Variants in LRP6 observed in about 807,000 individuals in gnomAD.
The protein encoded by LRP6 is low-density lipoprotein receptor-related protein 6.
LRP6 carries 43 observed loss-of-function variants against 184.1 expected under a neutral mutation model. The ratio of observed to expected loss-of-function variants is 0.23; its 90% CI spans 0.18 to 0.30. The LOEUF (loss-of-function observed/expected upper bound fraction) is 0.30, where lower values mean the gene tolerates loss of function less well. Ranked by LOEUF, LRP6 falls within the 10% of genes least tolerant of loss-of-function variation. The probability of loss-of-function intolerance (pLI) is 1.00; values close to 1 mark genes in which losing one functional copy is unlikely to be tolerated. For missense variants in LRP6, 1,571 were observed against 2,005.3 expected (o/e 0.78, Z 4.14); for synonymous variants, 719 against 684.9 (o/e 1.05, Z -0.78).
In LRP6 at chr12:12,154,726, A is replaced by G. The variant is rs1275225939; in HGVS notation, c.2792-3688T>C. Among the ~76,000 whole-genome samples the G allele has an allele frequency of 2.0e-5, 3 of 152,298 alleles. No homozygotes were observed. The East Asian group carries it at 5.8e-4, about 29-fold the overall frequency. The stretch of plus-strand genomic sequence containing the variant: ...AAAAAGAGGGAAAAAAGCCAGAAAG[A>G]AGCACTGAGTGACAAGGAGAGCCTT... On this transcript the variant is annotated intron_variant, in intron 12 of 22. Transcript: ENST00000261349.
At position 12,159,810 on chromosome 12, in the gene LRP6, T is replaced by C; in HGVS notation, c.2434A>G (p.Thr812Ala). The C allele has an allele frequency of 6.2e-7, 1 of 1,614,128 alleles. No individual in the cohort carries two copies. The highest frequency in any genetic ancestry group is 8.5e-7 in the Non-Finnish European group (1 of 1,180,008). The change falls in exon 11 of 23, where the codon ACC becomes GCC. Residue 812 changes from threonine to alanine, a missense_variant. Physicochemically the swap from Thr to Ala is moderately conservative, Grantham distance 58. This residue lies in a region of LRP6 where 158 missense variants were observed against 258.4 expected (regional missense o/e 0.61). Transcript: ENST00000261349. ...ATATTTGAAGATTCTATTAAGTTGGTGTCCAGGTCTGTCCAATAAAGCCTC... is the reference window on the plus strand; with the variant it reads ...ATATTTGAAGATTCTATTAAGTTGGCGTCCAGGTCTGTCCAATAAAGCCTC... ...KRRLYWTDLD[T>A]NLIESSNMLG...
At chr12:12,226,823 T>C (rs1239766348) in intron 2 of LRP6, 1 of 152,060 alleles carries the variant, frequency 6.6e-6, no homozygotes, top group Admixed American at 6.6e-5. Flanking sequence ...ACAATTATTA[T>C]ACAAAAGGTA....
At position 12,131,738 on chromosome 12, in the gene LRP6, C is replaced by T; in HGVS notation, c.3970+83G>A. The T allele has an allele frequency of 2.6e-6, 3 of 1,137,902 alleles. No homozygotes were observed. In the South Asian group the frequency reaches 3.7e-5, roughly 14 times the overall value. The allele number at this position is 1,137,902 out of a possible 1,614,324, so 70.5% of individuals were successfully genotyped here. A position where few individuals can be genotyped will look rare whatever the true frequency, so the allele number is the denominator to read the frequency against. On this transcript the variant is annotated intron_variant, in intron 18 of 22. Transcript: ENST00000261349. ...TATGTACTTGAAAAACCCCAACTGACACTAAGCCAAGTAATACTGAAGTTT... is the reference window on the plus strand; with the variant it reads ...TATGTACTTGAAAAACCCCAACTGATACTAAGCCAAGTAATACTGAAGTTT...
chr12:12,204,848 TC>T (rs1450080219), intron 2 of LRP6, among the ~76,000 whole-genome samples: 1 of 150,498 alleles, frequency 6.6e-6, no homozygotes, highest in East Asian at 2.0e-4. Flanking sequence ...GTGCCTGTTA[TC>T]CCAGCTACTC....
At chr12:12,242,808 C>T (rs1309443977) in intron 2 of LRP6, among the ~76,000 whole-genome samples, 1 of 152,184 alleles carries the variant, frequency 6.6e-6, no homozygotes, top group African/African-American at 2.4e-5. Context: ...CTAAAATTTC[C>T]CTATACTACT....
intron 17 of LRP6, among the ~76,000 whole-genome samples, chr12:12,132,945 A>T (rs550265121): frequency 6.6e-6 from 1 of 152,240 alleles, no homozygotes; most frequent in Non-Finnish European, 1.5e-5. Flanking sequence ...TTAGTGAATT[A>T]TCTAGAGAAC....
At chr12:12,230,553 T>C (rs1864757249) in intron 2 of LRP6, among the ~76,000 whole-genome samples, 1 of 152,168 alleles carries the variant, frequency 6.6e-6, no homozygotes, top group Non-Finnish European at 1.5e-5. Flanking sequence ...AATCATGTCA[T>C]GATCCTTGAA....
At chr12:12,149,264 C>G (rs1213085161) in intron 13 of LRP6, 111 bp from the exon 14 acceptor site, 1 of 851,898 alleles carries the variant, frequency 1.2e-6, no homozygotes, top group African/African-American at 1.7e-5. Flanking sequence ...AAGGCTCTCT[C>G]AAGTCTTAAG....
chr12:12,240,350 G>C (rs1175734505), intron 2 of LRP6, among the ~76,000 whole-genome samples: 3 of 152,194 alleles, frequency 2.0e-5, no homozygotes, highest in Non-Finnish European at 4.4e-5. Context: ...GAGGCGGGCA[G>C]ATCATGAGGT....
intron 19 of LRP6, among the ~76,000 whole-genome samples, chr12:12,129,965 A>T (rs761350327): frequency 4.0e-5 from 6 of 151,004 alleles, no homozygotes; most frequent in Non-Finnish European, 8.9e-5. Flanking sequence ...GATTTCTATT[A>T]CAGCACTTAT....
At position 12,120,324 on chromosome 12, in the gene LRP6, A is replaced by G. The variant is rs1247560847; in HGVS notation, c.*802T>C. On this transcript the variant is annotated 3_prime_UTR_variant, in exon 23 of 23. Transcript: ENST00000261349. ...TAATTTAGAAAATTCCATTTAGTCAATGCTTCAGCTTAAAAAAATCATGGT... is the reference window on the plus strand; with the variant it reads ...TAATTTAGAAAATTCCATTTAGTCAGTGCTTCAGCTTAAAAAAATCATGGT... The G allele has an allele frequency of 2.0e-5, 3 of 152,050 alleles. No individual in the cohort carries two copies. The highest frequency in any genetic ancestry group is 2.0e-4 in the Admixed American group (3 of 15,262). 9.4% of individuals were successfully genotyped at this position (152,050 alleles called of 1,614,324 possible).
chr12:12,147,990 AT>A (rs1300392303), intron 14 of LRP6, among the ~76,000 whole-genome samples: 1 of 148,580 alleles, frequency 6.7e-6, no homozygotes, highest in Admixed American at 6.7e-5. Flanking sequence ...ATATATATAT[AT>A]ATCCTCTTTT....
At chr12:12,144,415 A>AG (rs1344474427) in intron 15 of LRP6, among the ~76,000 whole-genome samples, 1 of 152,226 alleles carries the variant, frequency 6.6e-6, no homozygotes, top group African/African-American at 2.4e-5. Flanking sequence ...AGGCCAAGGC[A>AG]GGGGGATCAC....
Position 12,203,400 on chromosome 12 carries a change from C to G in LRP6, c.450G>C (p.Gly150=). 6.2e-7 allele frequency: 1 copy of G among 1,608,266 alleles called. No individual in the cohort carries two copies. The highest frequency in any genetic ancestry group is 8.5e-7 in the Non-Finnish European group (1 of 1,174,678). The change falls in exon 3 of 23, where the codon GGG becomes GGC. Residue 150 remains glycine, a splice_region_variant and synonymous_variant. Coordinates refer to ENST00000261349, the MANE Select transcript of LRP6 (RefSeq NM_002336.3). ...PRAIALDPSS[G]FMYWTDWGEV... ...CTCCCCAGTCTGTCCAGTACATGAA[C>G]CTAAAAATCATAAAAATAATTAAAG...
At chr12:12,222,481 CG>C (rs1438086716) in intron 2 of LRP6, among the ~76,000 whole-genome samples, 1 of 151,192 alleles carries the variant, frequency 6.6e-6, no homozygotes, top group East Asian at 1.9e-4. Context: ...GCAGGAGAAT[CG>C]CTTGAATCCA....
chr12:12,157,072 A>G (rs975412087), intron 12 of LRP6, among the ~76,000 whole-genome samples: 20 of 152,208 alleles, frequency 1.3e-4, no homozygotes, highest in African/African-American at 3.9e-4. Flanking sequence ...CACAAAGCCT[A>G]TGAGAGAAAG....
intron 2 of LRP6, among the ~76,000 whole-genome samples, chr12:12,205,803 A>T (rs1864042194): frequency 6.6e-6 from 1 of 152,238 alleles, no homozygotes; most frequent in Non-Finnish European, 1.5e-5. Context: ...ATTTTTAAAG[A>T]AGAGAAAGCA....
chr12:12,129,288 T>G (rs1455668027), intron 19 of LRP6, among the ~76,000 whole-genome samples: 1 of 152,206 alleles, frequency 6.6e-6, no homozygotes, highest in African/African-American at 2.4e-5. Context: ...CTTGAAATTT[T>G]CAGTGACTCT....
chr12:12,254,257 G>A (rs987470564), intron 1 of LRP6, among the ~76,000 whole-genome samples: 1 of 152,024 alleles, frequency 6.6e-6, no homozygotes, highest in Admixed American at 6.5e-5. Context: ...CACACCAGTG[G>A]ACTGAGTCAA....
Sources: allele counts gnomAD v4.1 joint callset (sites outside exome capture counted in the v4.1 genomes callset), GRCh38; gene constraint gnomAD v4.1.1; regional missense constraint gnomAD v4.1.1; transcripts MANE v1.5; gene names NCBI Gene and HGNC (gene_info 2026-07-23, HGNC 2026-07-21).